The following SEL1L2 variants were observed in gnomAD, a reference collection of about 807,000 sequenced individuals.
SEL1L2 encodes the protein protein sel-1 homolog 2.
In SEL1L2, 89 loss-of-function variants were observed where a neutral mutation model predicts 98.8. The observed-to-expected ratio is 0.90, with a 90% confidence interval of 0.76 to 1.07. The LOEUF is 1.07. SEL1L2 is among the 50% of genes least tolerant of loss of function. The pLI, the probability that SEL1L2 is intolerant of heterozygous loss-of-function variation, is 0.00. For missense variants in SEL1L2, 788 were observed against 812.0 expected (o/e 0.97, Z 0.36); for synonymous variants, 262 against 278.5 (o/e 0.94, Z 0.59).
upstream of SEL1L2, chr20:13,995,325 C>T: frequency 3.8e-6 from 1 of 265,626 alleles, no homozygotes; most frequent in Non-Finnish European, 7.3e-6. This position sits in a 1 kb window ranked among gnomAD's most constrained non-coding sequence, Gnocchi z 4.3. Flanking sequence ...CCGCCCCCTC[C>T]AGCTCCCTAG....
chr20:13,861,001 C>A (rs1175112934), intron 17 of SEL1L2, among the ~76,000 whole-genome samples: 1 of 152,002 alleles, frequency 6.6e-6, no homozygotes, highest in Non-Finnish European at 1.5e-5. Flanking sequence ...TCCCTCGCCT[C>A]CATCAGCCAA....
intron 2 of SEL1L2, among the ~76,000 whole-genome samples, chr20:13,944,834 G>A (rs1051375151): frequency 6.6e-6 from 1 of 152,196 alleles, no homozygotes; most frequent in Non-Finnish European, 1.5e-5. Context: ...AACCCAGGAA[G>A]GTCATCAGCT....
intron 1 of SEL1L2, among the ~76,000 whole-genome samples, chr20:13,976,016 GTTTT>G (rs1468274994): frequency 6.6e-6 from 1 of 151,466 alleles, no homozygotes; most frequent in Non-Finnish European, 1.5e-5. Context: ...TTGTTTGTTT[GTTTT>G]GAGACAGAGT....
At chr20:13,901,368 C>A (rs1424442410) in intron 5 of SEL1L2, among the ~76,000 whole-genome samples, 2 of 152,144 alleles carry the variant, frequency 1.3e-5, no homozygotes, top group Non-Finnish European at 2.9e-5. Context: ...CTGTGCCTGG[C>A]CATTTCTTGT....
chr20:13,926,247 G>A (rs912549453), intron 3 of SEL1L2, among the ~76,000 whole-genome samples: 5 of 152,154 alleles, frequency 3.3e-5, no homozygotes, highest in African/African-American at 9.7e-5. Flanking sequence ...CCCTGGAGGC[G>A]GAGCTTGTAG....
intron 5 of SEL1L2, among the ~76,000 whole-genome samples, chr20:13,893,510 C>T (rs369258566): frequency 1.3e-5 from 2 of 151,948 alleles, no homozygotes; most frequent in East Asian, 1.9e-4. Context: ...AAGCATCCAA[C>T]CATATGAAGA....
At chr20:13,860,510 G>A (rs191928210) in intron 17 of SEL1L2, among the ~76,000 whole-genome samples, 81 of 152,274 alleles carry the variant, frequency 5.3e-4, no homozygotes, top group Admixed American at 2.7e-3. Context: ...CTGTCCTGTC[G>A]CAGCATTGAT....
At chr20:13,917,630 T>C (rs570224621) in intron 4 of SEL1L2, among the ~76,000 whole-genome samples, 80 of 152,190 alleles carry the variant, frequency 5.3e-4, no homozygotes, top group African/African-American at 1.9e-3. Context: ...AAGGTTTGGG[T>C]TTTAAGAACT....
At chr20:13,954,206 TAAATGGTAATTA>T (rs2050408088) in intron 2 of SEL1L2, among the ~76,000 whole-genome samples, 1 of 152,112 alleles carries the variant, frequency 6.6e-6, no homozygotes, top group East Asian at 1.9e-4. Flanking sequence ...AATTATAATG[TAAATGGTAATTA>T]TTATGGAAGA....
intron 1 of SEL1L2, among the ~76,000 whole-genome samples, chr20:13,978,249 G>A (rs1800671682): frequency 6.6e-6 from 1 of 152,182 alleles, no homozygotes; most frequent in Non-Finnish European, 1.5e-5. Flanking sequence ...AACACATGAT[G>A]AGGAAAGGAC....
chr20:13,931,758 T>G lies in SEL1L2; in HGVS notation c.128A>C (p.Glu43Ala), dbSNP rs745658095. Residue 43 changes from glutamate (E) to alanine (A), a missense_variant, in exon 3 of 20, where the codon GAA becomes GCA. Physicochemically the swap from Glu to Ala is moderately radical, Grantham distance 107. Coordinates refer to ENST00000284951, the MANE Select transcript of SEL1L2 (RefSeq NM_025229.2). ...TATGTGTGATAAATATTGTTTGATTTCGTTCACTGATACCTACAAAGAAAA... is the reference window on the plus strand; with the variant it reads ...TATGTGTGATAAATATTGTTTGATTGCGTTCACTGATACCTACAAAGAAAA... ...RNVTTQVSVN[E>A]IKQYLSHILE... The G allele has an allele frequency of 1.3e-6, 2 of 1,538,884 alleles. No individual in the cohort carries two copies. The highest frequency in any genetic ancestry group is 1.7e-6 in the Non-Finnish European group (2 of 1,148,254).
chr20:13,960,815 C>T (rs189877686), intron 1 of SEL1L2, among the ~76,000 whole-genome samples: 21 of 152,266 alleles, frequency 1.4e-4, no homozygotes, highest in Admixed American at 1.2e-3. Flanking sequence ...ATTAGATCTA[C>T]TTGCCTGAGG....
intron 18 of SEL1L2, among the ~76,000 whole-genome samples, chr20:13,856,095 C>T (rs190108814): frequency 6.6e-6 from 1 of 152,120 alleles, no homozygotes; most frequent in East Asian, 1.9e-4. Context: ...GGTGCAATTT[C>T]CGAAGTACTT....
intron 2 of SEL1L2, among the ~76,000 whole-genome samples, chr20:13,940,796 AG>A (rs1448663120): frequency 2.6e-5 from 4 of 152,266 alleles, no homozygotes; most frequent in African/African-American, 9.6e-5. Context: ...GCTACTTGGG[AG>A]GCTGAGGCAG....
chr20:13,960,400 G>A (rs2050726601), intron 1 of SEL1L2, among the ~76,000 whole-genome samples: 1 of 152,102 alleles, frequency 6.6e-6, no homozygotes, highest in Non-Finnish European at 1.5e-5. Context: ...AAGAATTAGG[G>A]AAATGGAAGG....
At chr20:13,991,600 C>T (rs372569513), upstream of SEL1L2, among the ~76,000 whole-genome samples, 35 of 152,308 alleles carry the variant, frequency 2.3e-4, no homozygotes, top group African/African-American at 8.2e-4. Flanking sequence ...CACTTGCCTT[C>T]TGTAGTTTAA....
chr20:13,937,561 A>G (rs1381635427), intron 2 of SEL1L2, among the ~76,000 whole-genome samples: 4 of 152,156 alleles, frequency 2.6e-5, no homozygotes, highest in South Asian at 2.1e-4. Flanking sequence ...TCACCCTTCA[A>G]TGTGTCCATG....
intron 17 of SEL1L2, among the ~76,000 whole-genome samples, chr20:13,861,765 G>A (rs924362609): frequency 2.0e-5 from 3 of 152,122 alleles, no homozygotes; most frequent in African/African-American, 7.2e-5. Flanking sequence ...CGACCTACAA[G>A]TTATGCCTCA....
At chr20:13,960,908 T>A (rs1025004087) in intron 1 of SEL1L2, among the ~76,000 whole-genome samples, 2 of 152,182 alleles carry the variant, frequency 1.3e-5, no homozygotes, top group Non-Finnish European at 2.9e-5. Context: ...ATTATCATCA[T>A]GAATAAATAA....
Sources: allele counts gnomAD v4.1 joint callset (sites outside exome capture counted in the v4.1 genomes callset), GRCh38; gene constraint gnomAD v4.1.1; non-coding constraint Gnocchi (gnomAD v3.1); transcripts MANE v1.5; gene names NCBI Gene and HGNC (gene_info 2026-07-23, HGNC 2026-07-21).